Variants in NWD2 observed in about 807,000 individuals in gnomAD.
The protein encoded by NWD2 is NACHT and WD repeat domain-containing protein 2.
Under a neutral mutation model 132.7 loss-of-function variants are expected in NWD2, and 37 were observed. That is an observed-to-expected ratio of 0.28 (90% CI 0.21 to 0.37). The LOEUF is 0.37. NWD2 is among the 10% of genes least tolerant of loss of function. The pLI is 1.00. For synonymous variants in NWD2, 705 were observed against 803.0 expected, an observed-to-expected ratio of 0.88 and a Z score of 2.06; for missense variants, 1,592 against 2,122.4, an observed-to-expected ratio of 0.75 and a Z score of 4.91.
chr4:37,257,423 C>G (rs1042723338), intron 1 of NWD2, among the ~76,000 whole-genome samples: 2 of 152,198 alleles, frequency 1.3e-5, no homozygotes, highest in Non-Finnish European at 2.9e-5. Flanking sequence ...GGGTAAGATA[C>G]TTAGTCTTCT....
Position 37,439,195 on chromosome 4 carries a change from T to A in NWD2, c.1101T>A (p.Asp367Glu). The A allele has an allele frequency of 6.4e-7, 1 of 1,550,694 alleles. No homozygotes were observed. The highest frequency in any genetic ancestry group is 8.7e-7 in the Non-Finnish European group (1 of 1,146,516). ...AACAGAATTTTGACACTGAAACTGA[T>A]ACACTCTATGATGAAATCCTTCAAC... ...TIQQNFDTET[D>E]TLYDEILQHS... Residue 367 changes from aspartate to glutamate, a missense_variant, in exon 6 of 7, where the codon GAT (aspartate) becomes GAA (glutamate). Physicochemically the swap from Asp to Glu is conservative, Grantham distance 45 (BLOSUM62 2). Coordinates refer to ENST00000309447, the MANE Select transcript of NWD2 (RefSeq NM_001144990.2). This position sits in a 1 kb window ranked among gnomAD's most constrained non-coding sequence, Gnocchi z 4.5.
chr4:37,331,519 G>A (rs1719291141), intron 2 of NWD2, among the ~76,000 whole-genome samples: 1 of 144,216 alleles, frequency 6.9e-6, no homozygotes, highest in African/African-American at 2.6e-5. Flanking sequence ...CCCTACTTGA[G>A]TATTTCTATA....
At position 37,438,947 on chromosome 4, in the gene NWD2, G is replaced by C. The variant is rs778171840; in HGVS notation, c.853G>C (p.Glu285Gln). The C allele has an allele frequency of 4.5e-6, 7 of 1,552,050 alleles. No homozygotes were observed. The highest frequency in any genetic ancestry group is 3.3e-4 in the Middle Eastern group (2 of 5,998). The change falls in exon 6 of 7, where the codon GAA (glutamate) becomes CAA (glutamine). Residue 285 changes from glutamate to glutamine, a missense_variant. Glu to Gln is a conservative substitution (Grantham distance 29). This residue lies in a region of NWD2 where 1,071 missense variants were observed against 1,398.0 expected (regional missense o/e 0.77). Coordinates refer to ENST00000309447, the MANE Select transcript of NWD2 (RefSeq NM_001144990.2). ...MGKYMDITGT[E>Q]PRIIRDPEAQ... ...AAAATACATGGATATAACTGGAACA[G>C]AACCGAGGATTATTCGGGACCCAGA...
At chr4:37,275,373 T>C (rs1190738320) in intron 1 of NWD2, among the ~76,000 whole-genome samples, 7 of 152,080 alleles carry the variant, frequency 4.6e-5, no homozygotes, top group Non-Finnish European at 1.0e-4. Flanking sequence ...TTACAAGGGA[T>C]GTGAAGGACC....
intron 2 of NWD2, among the ~76,000 whole-genome samples, chr4:37,344,097 C>T (rs1719583757): frequency 1.3e-5 from 2 of 152,028 alleles, no homozygotes; most frequent in Admixed American, 1.3e-4. Flanking sequence ...GTTAGTATTC[C>T]AATAAATAGT....
At chr4:37,346,648 G>A (rs747004192) in intron 2 of NWD2, among the ~76,000 whole-genome samples, 5 of 152,074 alleles carry the variant, frequency 3.3e-5, no homozygotes, top group Non-Finnish European at 7.4e-5. Context: ...CTATGAACAT[G>A]GAATGTCTTT....
At chr4:37,270,395 C>G (rs559512562) in intron 1 of NWD2, among the ~76,000 whole-genome samples, 1 of 151,698 alleles carries the variant, frequency 6.6e-6, no homozygotes, top group South Asian at 2.1e-4. Flanking sequence ...TCGAAAAAAG[C>G]ATTTATACTG....
chr4:37,268,228 A>G (rs1316766782), intron 1 of NWD2, among the ~76,000 whole-genome samples: 2 of 151,770 alleles, frequency 1.3e-5, no homozygotes, highest in Non-Finnish European at 2.9e-5. Context: ...CATTCCCCCA[A>G]ATGAAGCCCG....
Position 37,264,063 on chromosome 4 carries a change from C to G in NWD2, c.151+18845C>G, listed in dbSNP as rs370774426. Among the ~76,000 whole-genome samples, 65 of 152,268 alleles carry G rather than the reference C, an allele frequency of 4.3e-4. 1 individual carries two copies. The South Asian group carries it at 0.013, about 30-fold the overall frequency. ...TAGTTAGTAGCTGCTCCATTCATTTCAGATTGGACTGACCAACCCATTCAA... is the reference window on the plus strand; with the variant it reads ...TAGTTAGTAGCTGCTCCATTCATTTGAGATTGGACTGACCAACCCATTCAA... On this transcript the variant is annotated intron_variant, in intron 1 of 6. Transcript: ENST00000309447.
intron 2 of NWD2, among the ~76,000 whole-genome samples, chr4:37,355,714 C>T (rs944180635): frequency 6.6e-6 from 1 of 152,186 alleles, no homozygotes; most frequent in African/African-American, 2.4e-5. Context: ...CCAGAATCTT[C>T]CTTAGTAGTC....
chr4:37,259,958 C>G (rs566256275), intron 1 of NWD2, among the ~76,000 whole-genome samples: 6 of 152,192 alleles, frequency 3.9e-5, no homozygotes, highest in African/African-American at 7.2e-5. Context: ...AATGAGAAAT[C>G]GAATACTGTT....
intron 1 of NWD2, among the ~76,000 whole-genome samples, chr4:37,270,966 C>G (rs1387078510): frequency 2.6e-5 from 4 of 151,800 alleles, no homozygotes; most frequent in Non-Finnish European, 4.4e-5. Flanking sequence ...ATACATTTAT[C>G]TGGTTGTCCT....
At position 37,245,544 on chromosome 4, in the gene NWD2, C is replaced by G. The variant is rs562428790; in HGVS notation, c.151+326C>G. On this transcript the variant is annotated intron_variant, in intron 1 of 6. Coordinates refer to ENST00000309447, the MANE Select transcript of NWD2 (RefSeq NM_001144990.2). The stretch of plus-strand genomic sequence containing the variant: ...CGCCGCCACCACCACCTCCTGTCCC[C>G]CGCCCTTTTTTTTTTTTTTAAAGCG... Among the ~76,000 whole-genome samples the G allele has an allele frequency of 1.5e-3, 209 of 139,332 alleles. 4 individuals carry two copies. In the East Asian group the frequency reaches 0.039, roughly 26 times the overall value. The allele number at this position is 139,332 out of a possible 152,430, so 91.4% of individuals were successfully genotyped here.
At chr4:37,284,653 A>G (rs1306669154) in intron 1 of NWD2, among the ~76,000 whole-genome samples, 2 of 152,234 alleles carry the variant, frequency 1.3e-5, no homozygotes, top group African/African-American at 4.8e-5. Flanking sequence ...AAAAGTAGGA[A>G]GTAAAAGGAA....
At chr4:37,354,590 A>C (rs1001840712) in intron 2 of NWD2, among the ~76,000 whole-genome samples, 20 of 152,066 alleles carry the variant, frequency 1.3e-4, no homozygotes, top group Middle Eastern at 3.2e-3. Context: ...GCTTTTCTTA[A>C]CTCATTGTTC....
At chr4:37,291,071 C>A (rs1051265302) in intron 1 of NWD2, among the ~76,000 whole-genome samples, 7 of 152,138 alleles carry the variant, frequency 4.6e-5, no homozygotes, top group Non-Finnish European at 7.4e-5. Flanking sequence ...CTGAAGTCAA[C>A]CTTTTCCTTC....
At chr4:37,417,544 G>A (rs989452330) in intron 3 of NWD2, among the ~76,000 whole-genome samples, 2 of 152,208 alleles carry the variant, frequency 1.3e-5, no homozygotes, top group South Asian at 4.1e-4. Context: ...GGTCAAAAGG[G>A]AATTCAACTT....
intron 1 of NWD2, among the ~76,000 whole-genome samples, chr4:37,316,214 TGTAA>T (rs1292459358): frequency 6.6e-6 from 1 of 152,100 alleles, no homozygotes; most frequent in Non-Finnish European, 1.5e-5. Flanking sequence ...AATTTGGTGA[TGTAA>T]GTATTTTGCT....
chr4:37,422,624 G>A (rs1264419426), intron 3 of NWD2, among the ~76,000 whole-genome samples: 3 of 152,074 alleles, frequency 2.0e-5, no homozygotes, highest in Non-Finnish European at 4.4e-5. Flanking sequence ...TATAAACTAT[G>A]TTTATATAGT....
Sources: allele counts gnomAD v4.1 joint callset (sites outside exome capture counted in the v4.1 genomes callset), GRCh38; gene constraint gnomAD v4.1.1; regional missense constraint gnomAD v4.1.1; non-coding constraint Gnocchi (gnomAD v3.1); transcripts MANE v1.5; gene names NCBI Gene and HGNC (gene_info 2026-07-23, HGNC 2026-07-21).